The following AFAP1L2 variants were observed in gnomAD, a reference collection of about 807,000 sequenced individuals.
AFAP1L2 encodes actin filament associated protein 1 like 2.
Under a neutral mutation model 99.3 loss-of-function variants are expected in AFAP1L2, and 46 were observed. That is an observed-to-expected ratio of 0.46 (90% CI 0.37 to 0.59). The LOEUF (loss-of-function observed/expected upper bound fraction) is 0.59. Ranked by LOEUF, AFAP1L2 falls within the 20% of genes least tolerant of loss-of-function variation. The probability of loss-of-function intolerance (pLI) is 0.00; values close to 1 mark genes in which losing one functional copy is unlikely to be tolerated. For missense variants in AFAP1L2, 959 were observed against 1,034.9 expected (o/e 0.93, Z 1.01); for synonymous variants, 397 against 419.1 (o/e 0.95, Z 0.64).
Position 114,325,970 on chromosome 10 carries a change from G to A in AFAP1L2, c.316-2709C>T, listed in dbSNP as rs755594821. On this transcript the variant is annotated intron_variant, in intron 4 of 18. Transcript: ENST00000304129. ...CCAGCTCCAGCCTCCAAGAAACTCC[G>A]TTCCCGTCAGGTGGGTCCCATCTGG... The A allele has an allele frequency of 4.1e-5, 53 of 1,289,276 alleles. No homozygotes were observed. The South Asian group carries it at 4.8e-4, about 12-fold the overall frequency. 79.9% of individuals were successfully genotyped at this position (1,289,276 alleles called of 1,614,324 possible).
chr10:114,401,660 T>C (rs2058248032), intron 1 of AFAP1L2, among the ~76,000 whole-genome samples: 1 of 152,156 alleles, frequency 6.6e-6, no homozygotes, highest in Non-Finnish European at 1.5e-5. Flanking sequence ...GGGTGAGTCA[T>C]GGCTATCTAG....
At chr10:114,401,656 G>A (rs539359334) in intron 1 of AFAP1L2, among the ~76,000 whole-genome samples, 1 of 152,238 alleles carries the variant, frequency 6.6e-6, no homozygotes, top group East Asian at 1.9e-4. Flanking sequence ...GCTTGGGTGA[G>A]TCATGGCTAT....
intron 16 of AFAP1L2, among the ~76,000 whole-genome samples, chr10:114,298,411 A>C (rs1381630603): frequency 6.6e-6 from 1 of 152,122 alleles, no homozygotes; most frequent in Admixed American, 6.5e-5. Flanking sequence ...TTGCACCCTC[A>C]AGACCTTCCC....
intron 1 of AFAP1L2, 24 bp from the exon 2 acceptor site, chr10:114,340,755 C>T: frequency 6.2e-7 from 1 of 1,614,022 alleles, no homozygotes; most frequent in Non-Finnish European, 8.5e-7. Flanking sequence ...ACAGAAGAAA[C>T]TTATAGTGGC....
intron 1 of AFAP1L2, among the ~76,000 whole-genome samples, chr10:114,356,248 T>A: frequency 1.3e-5 from 2 of 152,320 alleles, no homozygotes; most frequent in East Asian, 3.9e-4. Context: ...AATATTTCTA[T>A]AATAAAATAC....
downstream of AFAP1L2, among the ~76,000 whole-genome samples, chr10:114,294,345 T>A (rs553065723): frequency 1.3e-5 from 2 of 152,214 alleles, no homozygotes; most frequent in Non-Finnish European, 2.9e-5. Context: ...TATTTTTTTA[T>A]AATTTGAAAA....
At chr10:114,314,262 C>T (rs576166933) in intron 6 of AFAP1L2, among the ~76,000 whole-genome samples, 1 of 152,192 alleles carries the variant, frequency 6.6e-6, no homozygotes, top group Non-Finnish European at 1.5e-5. Flanking sequence ...CCCTCTCTCC[C>T]TCAAGCCTCC....
rs181373784 is a variant in AFAP1L2, at chr10:114,387,425, C to T, written c.16+17015G>A. Among the ~76,000 whole-genome samples the T allele has an allele frequency of 7.2e-4, 109 of 152,286 alleles. 1 individual carries two copies. The highest frequency in any genetic ancestry group is 1.1e-3 in the Non-Finnish European group (73 of 68,030). On this transcript the variant is annotated intron_variant, in intron 1 of 18. Transcript: ENST00000304129. The stretch of plus-strand genomic sequence containing the variant: ...CAGCTTCCCCTGCCCCACATAGAAC[C>T]TAATGGCAGCATTACTAAAAGCAAA...
intron 1 of AFAP1L2, among the ~76,000 whole-genome samples, chr10:114,386,379 C>G (rs1001116274): frequency 1.3e-5 from 2 of 151,428 alleles, no homozygotes; most frequent in African/African-American, 4.9e-5. Context: ...CCAGACTGGG[C>G]AACAGAGCAA....
intron 1 of AFAP1L2, among the ~76,000 whole-genome samples, chr10:114,392,159 G>C (rs771672082): frequency 5.3e-5 from 8 of 152,196 alleles, no homozygotes; most frequent in Non-Finnish European, 1.2e-4. Flanking sequence ...GCTGAGGCAG[G>C]AGGATTGCTT....
the AFAP1L2 span, chr10:114,289,117 G>A: frequency 2.3e-5 from 37 of 1,613,942 alleles, no homozygotes; most frequent in Non-Finnish European, 2.7e-5. Flanking sequence ...GACTGCCTTC[G>A]GGCTGGACAC....
the AFAP1L2 span, among the ~76,000 whole-genome samples, chr10:114,284,575 T>C: frequency 4.7e-4 from 71 of 152,340 alleles, no homozygotes; most frequent in Non-Finnish European, 7.9e-4. Flanking sequence ...CCACACTTGA[T>C]GCTACGGGGA....
the AFAP1L2 span, chr10:114,285,788 ACT>A: frequency 1.2e-6 from 1 of 818,436 alleles, no homozygotes; most frequent in Non-Finnish European, 1.8e-6. Context: ...CTTGTCTCTA[ACT>A]CTGTGACGAG....
chr10:114,340,945 G>A (rs2048736574), intron 1 of AFAP1L2: 3 of 624,274 alleles, frequency 4.8e-6, no homozygotes, highest in Middle Eastern at 4.4e-4. Flanking sequence ...CCCTTGGCTT[G>A]GAGATGAACA....
intron 1 of AFAP1L2, among the ~76,000 whole-genome samples, chr10:114,353,782 G>A (rs916156178): frequency 1.3e-5 from 2 of 152,196 alleles, no homozygotes; most frequent in Non-Finnish European, 2.9e-5. Flanking sequence ...CCAAGTCCTG[G>A]GGTGGGGGAC....
chr10:114,299,119 G>A (rs2040713738), intron 16 of AFAP1L2, 141 bp downstream of exon 16: 1 of 912,494 alleles, frequency 1.1e-6, no homozygotes, highest in Non-Finnish European at 1.7e-6. Flanking sequence ...ACACACAAGG[G>A]AGCACCCACC....
At chr10:114,285,846 C>G in the AFAP1L2 span, 3 of 1,328,642 alleles carry the variant, frequency 2.3e-6, no homozygotes, top group South Asian at 4.5e-5. Context: ...TCTGCACCAT[C>G]TCCCTCCTGG....
chr10:114,351,492 T>C (rs2136220686), intron 1 of AFAP1L2, among the ~76,000 whole-genome samples: 1 of 152,338 alleles, frequency 6.6e-6, no homozygotes. Flanking sequence ...CTTTTCATCC[T>C]GTCCAGGCCC....
chr10:114,302,080 C>G, intron 12 of AFAP1L2: 1 of 474,036 alleles, frequency 2.1e-6, no homozygotes, highest in Non-Finnish European at 3.8e-6. Flanking sequence ...CCTGGAGGAG[C>G]TGGAGAGTCT....
Sources: gnomAD v4.1 joint callset for allele counts (sites outside exome capture counted in the v4.1 genomes callset) on GRCh38, gnomAD v4.1.1 for gene constraint, MANE v1.5 for transcripts, NCBI Gene and HGNC (gene_info 2026-07-23, HGNC 2026-07-21) for gene names.